Variants in STIMATE observed in about 807,000 individuals in gnomAD.
STIMATE encodes STIM activating enhancer, also known as store-operated calcium entry regulator STIMATE.
Under a neutral mutation model 36.7 loss-of-function variants are expected in STIMATE, and 15 were observed. The ratio of observed to expected loss-of-function variants is 0.41; its 90% CI spans 0.27 to 0.63. The LOEUF (loss-of-function observed/expected upper bound fraction) is 0.63. Ranked by LOEUF, STIMATE falls within the 20% of genes least tolerant of loss-of-function variation. The probability of loss-of-function intolerance (pLI) is 0.32; values close to 1 mark genes in which losing one functional copy is unlikely to be tolerated. For synonymous variants in STIMATE, 163 were observed against 162.3 expected (o/e 1.00, Z -0.03); for missense variants, 305 against 397.3 (o/e 0.77, Z 1.98).
Position 52,852,717 on chromosome 3 carries a change from C to T in STIMATE, c.210-19G>A. The T allele has an allele frequency of 6.2e-7, 1 of 1,612,674 alleles. No homozygotes were observed. Among genetic ancestry groups the T allele is most frequent in the Non-Finnish European group, 8.5e-7 (1 of 1,179,506 alleles). On this transcript the variant is annotated intron_variant, in intron 2 of 7. Transcript: ENST00000355083. The stretch of plus-strand genomic sequence containing the variant: ...TAAAAACCTGTACAAAATAAACCAG[C>T]ACTGGTTATTAGCCTGACAGGAGCG...
At chr3:52,872,871 C>T (rs578102122) in intron 1 of STIMATE, among the ~76,000 whole-genome samples, 1 of 152,232 alleles carries the variant, frequency 6.6e-6, no homozygotes, top group Non-Finnish European at 1.5e-5. Flanking sequence ...AGTGATCCAC[C>T]CACCTTGGCC....
intron 7 of STIMATE, among the ~76,000 whole-genome samples, chr3:52,840,863 C>A (rs140261276): frequency 3.7e-4 from 57 of 152,100 alleles, no homozygotes; most frequent in African/African-American, 1.2e-3. Context: ...ATGCCTGGTT[C>A]GTTGTTTTTT....
intron 1 of STIMATE, among the ~76,000 whole-genome samples, chr3:52,869,925 G>A (rs145245144): frequency 3.3e-5 from 5 of 152,330 alleles, no homozygotes; most frequent in Non-Finnish European, 5.9e-5. Context: ...ACAGCTCACA[G>A]GAGTATTAAT....
intron 1 of STIMATE, among the ~76,000 whole-genome samples, chr3:52,881,645 T>C (rs1701607392): frequency 6.6e-6 from 1 of 152,122 alleles, no homozygotes; most frequent in Non-Finnish European, 1.5e-5. Flanking sequence ...GAGCTTGCAG[T>C]GAGCTGAGAT....
At chr3:52,849,335 C>G (rs1173467372) in intron 4 of STIMATE, among the ~76,000 whole-genome samples, 1 of 152,236 alleles carries the variant, frequency 6.6e-6, no homozygotes, top group African/African-American at 2.4e-5. Flanking sequence ...AGCAACAGGA[C>G]AAGCACAGAT....
At chr3:52,882,897 C>T (rs1209693565) in intron 1 of STIMATE, among the ~76,000 whole-genome samples, 2 of 152,118 alleles carry the variant, frequency 1.3e-5, no homozygotes, top group Non-Finnish European at 2.9e-5. Context: ...AAACAGGGGA[C>T]GCCGAGAGCA....
chr3:52,843,383 A>C (rs996681405), intron 6 of STIMATE, among the ~76,000 whole-genome samples: 2 of 151,636 alleles, frequency 1.3e-5, no homozygotes, highest in Non-Finnish European at 1.5e-5. Context: ...GTTTCTCAAG[A>C]TCCGTGGTCA....
intron 1 of STIMATE, among the ~76,000 whole-genome samples, chr3:52,864,813 T>G (rs1346451009): frequency 6.6e-6 from 1 of 152,212 alleles, no homozygotes; most frequent in Non-Finnish European, 1.5e-5. Flanking sequence ...CCAGTCTCTT[T>G]GCTAAAACAT....
At chr3:52,851,812 CAA>C (rs1559491035) in intron 3 of STIMATE, among the ~76,000 whole-genome samples, 1 of 84,496 alleles carries the variant, frequency 1.2e-5, no homozygotes, top group Non-Finnish European at 2.9e-5. Context: ...GTTCCATCCT[CAA>C]CACAGATGAT....
intron 3 of STIMATE, among the ~76,000 whole-genome samples, chr3:52,850,666 G>C (rs547048774): frequency 2.6e-5 from 4 of 152,332 alleles, no homozygotes; most frequent in Non-Finnish European, 5.9e-5. Context: ...CGCAGACAAA[G>C]AGGACAGGGC....
Position 52,844,945 on chromosome 3 carries a change from C to T in STIMATE, c.428-4G>A. 1 of 1,613,158 alleles carries T rather than the reference C, an allele frequency of 6.2e-7. No homozygotes were observed. The highest frequency in any genetic ancestry group is 8.5e-7 in the Non-Finnish European group (1 of 1,179,480). The stretch of plus-strand genomic sequence containing the variant: ...GCTCCACACTGCAGAGGGTCTCCTG[C>T]AGGGACAGGCGGGTGCTTAGTCACA... On this transcript the variant is annotated splice_region_variant and splice_polypyrimidine_tract_variant and intron_variant, in intron 4 of 7. Coordinates refer to ENST00000355083, the MANE Select transcript of STIMATE (RefSeq NM_198563.5).
At chr3:52,885,314 G>T (rs1485839341) in intron 1 of STIMATE, among the ~76,000 whole-genome samples, 1 of 151,804 alleles carries the variant, frequency 6.6e-6, no homozygotes, top group East Asian at 1.9e-4. Flanking sequence ...ATAAATACCT[G>T]GTCAGATAGT....
intron 4 of STIMATE, among the ~76,000 whole-genome samples, chr3:52,845,935 TGGCG>T (rs1559489221): frequency 2.3e-5 from 3 of 129,982 alleles, no homozygotes; most frequent in Admixed American, 7.6e-5. Flanking sequence ...ATTTTGGGGG[TGGCG>T]GGGGGGCGGG....
At chr3:52,887,462 T>C (rs1701706540) in intron 1 of STIMATE, among the ~76,000 whole-genome samples, 1 of 152,166 alleles carries the variant, frequency 6.6e-6, no homozygotes, top group South Asian at 2.1e-4. Context: ...AAAAGGAAGA[T>C]GGGGGCAGTA....
At chr3:52,867,960 C>G (rs1379828933) in intron 1 of STIMATE, among the ~76,000 whole-genome samples, 1 of 152,154 alleles carries the variant, frequency 6.6e-6, no homozygotes, top group Admixed American at 6.5e-5. Flanking sequence ...GGAGCCCAGG[C>G]CCCCTCTCCA....
Position 52,840,248 on chromosome 3 carries a change from T to G in STIMATE, c.*246A>C. The G allele has an allele frequency of 3.1e-5, 11 of 350,138 alleles. No individual in the cohort carries two copies. Among genetic ancestry groups the G allele is most frequent in the East Asian group, 1.0e-4 (2 of 19,742 alleles). 21.7% of individuals were successfully genotyped at this position (350,138 alleles called of 1,614,324 possible). ...ACAAACACAGCTCCTTCCTTGCATA[T>G]TTGGTCAGTGTTTGTAGTGCAACTG... On this transcript the variant is annotated 3_prime_UTR_variant, in exon 8 of 8. Transcript: ENST00000355083.
chr3:52,865,842 C>A (rs1038544672), intron 1 of STIMATE, among the ~76,000 whole-genome samples: 11 of 152,212 alleles, frequency 7.2e-5, no homozygotes, highest in African/African-American at 2.4e-4. Context: ...CTTACATATC[C>A]TTTCAAAGAC....
intron 1 of STIMATE, among the ~76,000 whole-genome samples, chr3:52,882,176 G>A (rs573172571): frequency 5.3e-5 from 8 of 152,234 alleles, no homozygotes; most frequent in East Asian, 1.9e-4. Flanking sequence ...TCCTCACCAC[G>A]TGGGTCTCTT....
chr3:52,844,699 C>T (rs1358985110), intron 5 of STIMATE, 130 bp downstream of exon 5: 4 of 1,034,626 alleles, frequency 3.9e-6, no homozygotes, highest in Non-Finnish European at 5.6e-6. Context: ...CCACATCAGA[C>T]CAAATGCAGG....
Sources: allele counts gnomAD v4.1 joint callset (sites outside exome capture counted in the v4.1 genomes callset), GRCh38; gene constraint gnomAD v4.1.1; transcripts MANE v1.5; gene names NCBI Gene and HGNC (gene_info 2026-07-23, HGNC 2026-07-21).